ALK: variants seen among roughly 807,000 people sequenced by gnomAD.
ALK encodes the protein ALK receptor tyrosine kinase, also known as ALK tyrosine kinase receptor.
Under a neutral mutation model 163.1 loss-of-function variants are expected in ALK, and 74 were observed. The ratio of observed to expected loss-of-function variants is 0.45; its 90% CI spans 0.38 to 0.55. The LOEUF is 0.55. ALK is among the 20% of genes least tolerant of loss of function. The pLI, the probability that ALK is intolerant of heterozygous loss-of-function variation, is 0.00. For synonymous variants in ALK, 960 were observed against 843.2 expected, an observed-to-expected ratio of 1.14 and a Z score of -2.40; for missense variants, 2,063 against 2,105.3, an observed-to-expected ratio of 0.98 and a Z score of 0.39.
intron 12 of ALK, among the ~76,000 whole-genome samples, chr2:29,249,136 T>C (rs377301937): frequency 1.5e-4 from 23 of 152,256 alleles, no homozygotes; most frequent in East Asian, 1.4e-3. Flanking sequence ...GTGAGCTTGA[T>C]TCACACTGTC....
chr2:29,327,065 T>C (rs1028391089), intron 6 of ALK, among the ~76,000 whole-genome samples: 1 of 152,174 alleles, frequency 6.6e-6, no homozygotes, highest in Non-Finnish European at 1.5e-5. Context: ...CAGCTGCCTG[T>C]AGGTATTCTG....
At chr2:29,702,845 C>T (rs557443782) in intron 2 of ALK, among the ~76,000 whole-genome samples, 5 of 152,356 alleles carry the variant, frequency 3.3e-5, no homozygotes, top group East Asian at 1.9e-4. Flanking sequence ...GCTGCCCCCA[C>T]GATTCAATTA....
At chr2:29,501,412 C>CT (rs1672172339) in intron 4 of ALK, among the ~76,000 whole-genome samples, 1 of 152,224 alleles carries the variant, frequency 6.6e-6, no homozygotes, top group Non-Finnish European at 1.5e-5. Flanking sequence ...CTTGAAAGAA[C>CT]TGTCCTTGAA....
chr2:29,518,120 A>G (rs1672719592), intron 4 of ALK, among the ~76,000 whole-genome samples: 1 of 152,218 alleles, frequency 6.6e-6, no homozygotes, highest in African/African-American at 2.4e-5. Flanking sequence ...CAGAATAGGC[A>G]TGAGGCAGTC....
At chr2:29,407,149 C>T (rs1238785817) in intron 4 of ALK, among the ~76,000 whole-genome samples, 5 of 152,196 alleles carry the variant, frequency 3.3e-5, no homozygotes, top group African/African-American at 7.2e-5. Context: ...ACGTGTCTAA[C>T]TGCCTACGAT....
intron 4 of ALK, among the ~76,000 whole-genome samples, chr2:29,477,010 G>A (rs781008497): frequency 1.3e-5 from 2 of 152,282 alleles, no homozygotes; most frequent in Middle Eastern, 3.4e-3. Flanking sequence ...GAGTTGATGC[G>A]AAGGGGTGGA....
At chr2:29,502,519 A>C (rs561960208) in intron 4 of ALK, among the ~76,000 whole-genome samples, 3 of 152,222 alleles carry the variant, frequency 2.0e-5, no homozygotes, top group African/African-American at 7.2e-5. Context: ...TTACTTCATA[A>C]ATCTTGAGCT....
chr2:29,199,673 A>G (rs74824212), intron 26 of ALK, among the ~76,000 whole-genome samples: 204 of 152,054 alleles, frequency 1.3e-3, no homozygotes, highest in Non-Finnish European at 2.4e-3. Context: ...CTGAAAAGGC[A>G]TTTTTCTCTA....
chr2:29,216,618 TGTG>T (rs1346557180), intron 23 of ALK, among the ~76,000 whole-genome samples: 1 of 152,034 alleles, frequency 6.6e-6, no homozygotes, highest in Non-Finnish European at 1.5e-5. Context: ...TGTACGTGTC[TGTG>T]GTGTGCGTGT....
intron 4 of ALK, among the ~76,000 whole-genome samples, chr2:29,406,116 G>A (rs1319762857): frequency 1.3e-5 from 2 of 152,188 alleles, no homozygotes; most frequent in African/African-American, 2.4e-5. Context: ...TTGCAGAGCC[G>A]ACAAGGCCCA....
intron 4 of ALK, among the ~76,000 whole-genome samples, chr2:29,407,964 G>C (rs552179006): frequency 6.6e-6 from 1 of 152,292 alleles, no homozygotes; most frequent in Non-Finnish European, 1.5e-5. Context: ...AGAAGTCCCA[G>C]AGACTGTATA....
At chr2:29,540,596 A>ATTTT (rs1558375202) in intron 3 of ALK, among the ~76,000 whole-genome samples, 2 of 101,162 alleles carry the variant, frequency 2.0e-5, no homozygotes, top group East Asian at 3.5e-4. Context: ...TTTTTTTAAA[A>ATTTT]AAAAAAAACC....
rs1291435186 is a variant in ALK, at chr2:29,907,315, C to T, written c.667+12678G>A. 2.0e-5 allele frequency: 3 copies of T among 152,188 alleles called. 1 individual carries two copies. The highest frequency in any genetic ancestry group is 4.4e-5 in the Non-Finnish European group (3 of 68,036). The allele number at this position is 152,188 out of a possible 1,614,324, so 9.4% of individuals were successfully genotyped here. A position where few individuals can be genotyped will look rare whatever the true frequency, so the allele number is the denominator to read the frequency against. On this transcript the variant is annotated intron_variant, in intron 1 of 28. Transcript: ENST00000389048. ...GGTTTGCTATCATAAAACATGTTTC[C>T]TCCATGCTGCTGAACCCTCTGACAT...
intron 1 of ALK, among the ~76,000 whole-genome samples, chr2:29,917,241 C>A (rs1476979864): frequency 6.6e-6 from 1 of 152,132 alleles, no homozygotes; most frequent in African/African-American, 2.4e-5. Context: ...GCTCTTCCCT[C>A]CCCCACAAAT....
At chr2:29,900,772 C>T (rs1667391658) in intron 1 of ALK, among the ~76,000 whole-genome samples, 1 of 152,140 alleles carries the variant, frequency 6.6e-6, no homozygotes, top group East Asian at 1.9e-4. Flanking sequence ...TCCTTTAACC[C>T]CTCCACCTCA....
intron 1 of ALK, among the ~76,000 whole-genome samples, chr2:29,744,950 C>G (rs988002467): frequency 1.3e-5 from 2 of 152,066 alleles, no homozygotes; most frequent in African/African-American, 4.8e-5. Flanking sequence ...GAAGGGAATT[C>G]GACTCTATTT....
At chr2:29,255,745 A>T (rs540236777) in intron 11 of ALK, among the ~76,000 whole-genome samples, 20 of 152,182 alleles carry the variant, frequency 1.3e-4, no homozygotes, top group East Asian at 5.8e-4. Flanking sequence ...CTTACTTAAT[A>T]CCAGAGTCTG....
intron 3 of ALK, among the ~76,000 whole-genome samples, chr2:29,536,002 C>T (rs988101248): frequency 6.6e-6 from 1 of 152,176 alleles, no homozygotes; most frequent in Non-Finnish European, 1.5e-5. Flanking sequence ...TACACACATA[C>T]ATCCCTAGGA....
chr2:29,239,361 T>C (rs1664462202), intron 13 of ALK, among the ~76,000 whole-genome samples: 1 of 152,120 alleles, frequency 6.6e-6, no homozygotes, highest in Non-Finnish European at 1.5e-5. Context: ...GCTGTCTGCT[T>C]TGGCCCCTTT....
Sources: gnomAD v4.1 joint callset for allele counts (sites outside exome capture counted in the v4.1 genomes callset) on GRCh38, gnomAD v4.1.1 for gene constraint, MANE v1.5 for transcripts, NCBI Gene and HGNC (gene_info 2026-07-23, HGNC 2026-07-21) for gene names.